UPF2: variants seen among roughly 807,000 people sequenced by gnomAD.
The protein encoded by UPF2 is regulator of nonsense transcripts 2.
A neutral mutation model predicts 141.4 loss-of-function variants in UPF2; 17 were observed. The ratio of observed to expected loss-of-function variants is 0.12; its 90% confidence interval spans 0.08 to 0.18. The LOEUF is 0.18. Ranked by LOEUF, UPF2 falls within the 10% of genes least tolerant of loss-of-function variation. The pLI is 1.00. For missense variants in UPF2, 1,152 were observed against 1,515.9 expected, an observed-to-expected ratio of 0.76 and a Z score of 3.99; for synonymous variants, 540 against 498.0, an observed-to-expected ratio of 1.08 and a Z score of -1.12.
At position 11,948,522 on chromosome 10, in the gene UPF2, G is replaced by C. The variant is rs1833033551; in HGVS notation, c.3035-14C>G. ...CATTTACTAGGCCTTGAAATGAGAAGGTGGAAATGGAAAAATACATTAAAA... is the reference window on the plus strand; with the variant it reads ...CATTTACTAGGCCTTGAAATGAGAACGTGGAAATGGAAAAATACATTAAAA... On this transcript the variant is annotated splice_polypyrimidine_tract_variant and intron_variant, in intron 15 of 21. Coordinates refer to ENST00000357604, the MANE Select transcript of UPF2 (RefSeq NM_015542.4). 2.5e-6 allele frequency: 4 copies of C among 1,608,242 alleles called. No homozygotes were observed. Among genetic ancestry groups the C allele is most frequent in the Non-Finnish European group, 3.4e-6 (4 of 1,178,808 alleles).
intron 16 of UPF2, among the ~76,000 whole-genome samples, chr10:11,945,753 G>A (rs1367701251): frequency 1.3e-5 from 2 of 152,110 alleles, no homozygotes; most frequent in Non-Finnish European, 2.9e-5. Flanking sequence ...ATAAGAAAAT[G>A]AGCCCTCCTC....
intron 10 of UPF2, among the ~76,000 whole-genome samples, chr10:11,966,535 C>A (rs984691402): frequency 6.6e-6 from 1 of 152,146 alleles, no homozygotes; most frequent in Non-Finnish European, 1.5e-5. Context: ...AGTGATTCTC[C>A]TCCCTCAGCC....
chr10:11,923,876 A>G (rs937294640), intron 21 of UPF2, among the ~76,000 whole-genome samples: 1 of 152,148 alleles, frequency 6.6e-6, no homozygotes, highest in African/African-American at 2.4e-5. Flanking sequence ...AAATTCGTGA[A>G]GCTTTCCACA....
intron 4 of UPF2, among the ~76,000 whole-genome samples, chr10:12,013,706 G>A (rs887125728): frequency 6.6e-6 from 1 of 152,052 alleles, no homozygotes; most frequent in African/African-American, 2.4e-5. Context: ...TCCATTCAGG[G>A]ATCATTTCAA....
Position 11,959,389 on chromosome 10 carries a change from G to A in UPF2, c.2185-33C>T, listed in dbSNP as rs760516155. The A allele has an allele frequency of 5.9e-6, 9 of 1,519,712 alleles. No homozygotes were observed. Among genetic ancestry groups the A allele is most frequent in the African/African-American group, 1.4e-5 (1 of 71,342 alleles). The allele number at this position is 1,519,712 out of a possible 1,614,324, so 94.1% of individuals were successfully genotyped here. A position where few individuals can be genotyped will look rare whatever the true frequency, so the allele number is the denominator to read the frequency against. ...AAAAAGTCCAAATTAATCAAAACACGTTCCTTCTAAGATTCCTTTACTCCT... is the reference window on the plus strand; with the variant it reads ...AAAAAGTCCAAATTAATCAAAACACATTCCTTCTAAGATTCCTTTACTCCT... On this transcript the variant is annotated intron_variant, in intron 11 of 21. Transcript: ENST00000357604. The surrounding 1 kb of genome is among the most constrained non-coding windows in gnomAD (Gnocchi z 5.9).
chr10:11,960,890 G>A (rs1362351670), intron 11 of UPF2, among the ~76,000 whole-genome samples: 5 of 152,120 alleles, frequency 3.3e-5, no homozygotes, highest in Admixed American at 6.6e-5. Flanking sequence ...CCGGGAGTTC[G>A]AGAGCAGTCC....
In UPF2 at chr10:11,931,805, T is replaced by A; in HGVS notation, c.3547-23A>T. 6.3e-7 allele frequency: 1 copy of A among 1,581,940 alleles called. No individual in the cohort carries two copies. Among genetic ancestry groups the A allele is most frequent in the South Asian group, 1.2e-5 (1 of 84,978 alleles). ...AAACTGGGAGAAAATAACAAAGGAG[T>A]TACAAATAGTTTGAGAACACTGAGA... is the stretch of plus-strand genomic sequence containing the variant. On this transcript the variant is annotated intron_variant, in intron 19 of 21. Coordinates refer to ENST00000357604, the MANE Select transcript of UPF2 (RefSeq NM_015542.4). This position sits in a 1 kb window ranked among gnomAD's most constrained non-coding sequence, Gnocchi z 5.9.
intron 9 of UPF2, among the ~76,000 whole-genome samples, chr10:11,971,080 G>A (rs929492745): frequency 7.9e-5 from 12 of 151,922 alleles, no homozygotes; most frequent in Non-Finnish European, 1.6e-4. Context: ...AAAGGTTAAG[G>A]AGGTTAGATC....
chr10:12,029,085 T>C lies in UPF2; in HGVS notation c.805A>G (p.Ile269Val). The C allele has an allele frequency of 6.2e-7, 1 of 1,614,250 alleles. No homozygotes were observed. Among genetic ancestry groups the C allele is most frequent in the Non-Finnish European group, 8.5e-7 (1 of 1,180,054 alleles). The change falls in exon 3 of 22, where the codon ATT becomes GTT. Residue 269 changes from isoleucine (I) to valine (V), a missense_variant. Transcript: ENST00000357604. ...ITKLRTDLRF[I>V]AELTIVGIFT... Reference sequence around the variant, plus strand: ...ATCCCAACTATTGTCAATTCTGCAATAAAACGCAAATCAGTTCTTAACTTG... The same window carrying C: ...ATCCCAACTATTGTCAATTCTGCAACAAAACGCAAATCAGTTCTTAACTTG...
rs1834287414 is a variant in UPF2 at position 12,019,879 on chromosome 10, C to T, written c.1146-5695G>A. Among the ~76,000 whole-genome samples, 1 of 152,108 alleles carries T rather than the reference C, an allele frequency of 6.6e-6. No individual in the cohort carries two copies. The highest frequency in any genetic ancestry group is 1.5e-5 in the Non-Finnish European group (1 of 68,022). ...AGCTGGGATTACAGGAGCCTGCCAC[C>T]ACACCCGGCTAATTTTTGTATTTTT... On this transcript the variant is annotated intron_variant, in intron 3 of 21. Transcript: ENST00000357604. The surrounding 1 kb of genome is among the most constrained non-coding windows in gnomAD (Gnocchi z 4.5).
At chr10:11,957,370 C>T (rs1470189030) in intron 12 of UPF2, among the ~76,000 whole-genome samples, 2 of 151,478 alleles carry the variant, frequency 1.3e-5, no homozygotes, top group African/African-American at 2.4e-5. Context: ...CAGAGGTTGC[C>T]GTGAGCCGAG....
At position 12,016,985 on chromosome 10, in the gene UPF2, A is replaced by C. The variant is rs1288174409; in HGVS notation, c.1146-2801T>G. On this transcript the variant is annotated intron_variant, in intron 3 of 21. Transcript: ENST00000357604. This position sits in a 1 kb window ranked among gnomAD's most constrained non-coding sequence, Gnocchi z 4.1. ...CAGTGAGCTGAGATTGCACCATTGC[A>C]CTCCAGCCTGAGCAACAGAGCGAGA... 6.6e-6 allele frequency among the ~76,000 whole-genome samples: 1 copy of C among 150,928 alleles called. No individual in the cohort carries two copies. Among genetic ancestry groups the C allele is most frequent in the Non-Finnish European group, 1.5e-5 (1 of 67,862 alleles).
At chr10:11,995,989 T>C (rs1308231807) in intron 8 of UPF2, among the ~76,000 whole-genome samples, 2 of 152,098 alleles carry the variant, frequency 1.3e-5, no homozygotes, top group East Asian at 3.9e-4. Flanking sequence ...ATCAGTCAGT[T>C]CCACTTGGCT....
chr10:11,990,660 A>AGCGAC, intron 8 of UPF2, among the ~76,000 whole-genome samples: 1 of 128,708 alleles, frequency 7.8e-6, no homozygotes, highest in South Asian at 2.5e-4. Flanking sequence ...AGCCTGGGTG[A>AGCGAC]AGAGCAAGAC....
At chr10:11,962,376 T>C (rs779276140) in intron 11 of UPF2, among the ~76,000 whole-genome samples, 7 of 152,220 alleles carry the variant, frequency 4.6e-5, no homozygotes, top group Non-Finnish European at 7.3e-5. Context: ...TATCTGTGAC[T>C]GGCACCATCA....
chr10:11,989,795 C>T (rs1833749851), intron 8 of UPF2, among the ~76,000 whole-genome samples: 1 of 152,150 alleles, frequency 6.6e-6, no homozygotes, highest in Admixed American at 6.5e-5. Context: ...GCTTGTCTCC[C>T]ATGCCACGGC....
At position 11,932,042 on chromosome 10, in the gene UPF2, G is replaced by A. The variant is rs145704105; in HGVS notation, c.3547-260C>T. On this transcript the variant is annotated intron_variant, in intron 19 of 21. Transcript: ENST00000357604. ...CATGCACTTGTAGCCCCAGCTACCC[G>A]GGAGGCTGAGGCAGGAGAACTGCTT... Among the ~76,000 whole-genome samples the A allele has an allele frequency of 6.8e-3, 1,028 of 152,106 alleles. 7 individuals are homozygous for A. Among genetic ancestry groups the A allele is most frequent in the Middle Eastern group, 0.051 (15 of 294 alleles).
intron 9 of UPF2, among the ~76,000 whole-genome samples, chr10:11,972,039 G>A (rs528975212): frequency 2.7e-4 from 39 of 145,700 alleles, no homozygotes; most frequent in Admixed American, 4.9e-4. Context: ...ACTCTGGCCC[G>A]GATAACAGAG....
intron 4 of UPF2, 141 bp from the exon 5 acceptor site, chr10:12,004,868 A>C: frequency 1.3e-6 from 1 of 741,196 alleles, no homozygotes; most frequent in Non-Finnish European, 2.1e-6. Context: ...TAACAAGCAC[A>C]TGTGACCGTT....
Sources: gnomAD v4.1 joint callset for allele counts (sites outside exome capture counted in the v4.1 genomes callset) on GRCh38, gnomAD v4.1.1 for gene constraint, Gnocchi (gnomAD v3.1) non-coding constraint, MANE v1.5 for transcripts, NCBI Gene and HGNC (gene_info 2026-07-23, HGNC 2026-07-21) for gene names.